Variants in VIPR2 observed in about 807,000 individuals in gnomAD.
VIPR2 encodes the protein vasoactive intestinal polypeptide receptor 2.
In VIPR2, 48 loss-of-function variants were observed where a neutral mutation model predicts 58.0. The observed-to-expected ratio is 0.83, with a 90% CI of 0.66 to 1.05. VIPR2 has a LOEUF of 1.05. Ranked by LOEUF, VIPR2 falls within the 50% of genes least tolerant of loss-of-function variation. The pLI is 0.00. For missense variants in VIPR2, 534 were observed against 558.0 expected, an observed-to-expected ratio of 0.96 and a Z score of 0.43; for synonymous variants, 243 against 235.2, an observed-to-expected ratio of 1.03 and a Z score of -0.30.
chr7:159,068,294 C>A (rs979727288), intron 4 of VIPR2, among the ~76,000 whole-genome samples: 1 of 152,342 alleles, frequency 6.6e-6, no homozygotes, highest in Middle Eastern at 3.4e-3. Context: ...CAGCCCCTCT[C>A]TTTTCACATG....
At position 159,030,502 on chromosome 7, in the gene VIPR2, C is replaced by T; in HGVS notation, c.*114G>A. The T allele has an allele frequency of 1.5e-6, 2 of 1,353,940 alleles. No homozygotes were observed. Among genetic ancestry groups the T allele is most frequent in the Admixed American group, 5.8e-5 (2 of 34,452 alleles). 83.9% of individuals were successfully genotyped at this position (1,353,940 alleles called of 1,614,324 possible). A position where few individuals can be genotyped will look rare whatever the true frequency, so the allele number is the denominator to read the frequency against. ...AACCAGCTTGACGGAGTCAGGACCG[C>T]GCTGACCTGCCCGACACGGTGCTCG... On this transcript the variant is annotated 3_prime_UTR_variant, in exon 13 of 13. Transcript: ENST00000262178.
chr7:159,073,699 G>A (rs1381311516), intron 4 of VIPR2, among the ~76,000 whole-genome samples: 2 of 152,046 alleles, frequency 1.3e-5, no homozygotes, highest in Non-Finnish European at 2.9e-5. Context: ...GTGAGCCACC[G>A]TGCTCAGCCT....
intron 2 of VIPR2, among the ~76,000 whole-genome samples, chr7:159,114,972 T>C (rs1563341175): frequency 6.6e-6 from 1 of 152,182 alleles, no homozygotes; most frequent in Non-Finnish European, 1.5e-5. Flanking sequence ...TGTCATAAGT[T>C]GCAGCTAAAA....
At chr7:159,090,749 A>AC (rs1327244901) in intron 4 of VIPR2, among the ~76,000 whole-genome samples, 1 of 111,140 alleles carries the variant, frequency 9.0e-6, no homozygotes, top group Non-Finnish European at 1.8e-5. Flanking sequence ...ACATGCTGGG[A>AC]CCACGCACAG....
intron 4 of VIPR2, among the ~76,000 whole-genome samples, chr7:159,082,743 T>C (rs543852664): frequency 6.6e-6 from 1 of 152,138 alleles, no homozygotes; most frequent in Non-Finnish European, 1.5e-5. Flanking sequence ...GACAGACAGA[T>C]AGACCTGCAG....
intron 10 of VIPR2, among the ~76,000 whole-genome samples, chr7:159,033,213 G>A (rs529585094): frequency 1.8e-4 from 28 of 152,320 alleles, no homozygotes; most frequent in East Asian, 1.7e-3. Flanking sequence ...GGCACTGGCC[G>A]GTATCTGCAC....
chr7:159,071,125 G>A (rs1193887513), intron 4 of VIPR2, among the ~76,000 whole-genome samples: 1 of 152,244 alleles, frequency 6.6e-6, no homozygotes, highest in East Asian at 1.9e-4. Context: ...TTTCTGGGTT[G>A]CACAGACATT....
intron 4 of VIPR2, among the ~76,000 whole-genome samples, chr7:159,085,999 G>A (rs868157902): frequency 1.5e-4 from 23 of 152,238 alleles, no homozygotes; most frequent in South Asian, 1.2e-3. Context: ...GTAAACCAGG[G>A]ACTTCAGTTA....
chr7:159,050,224 C>A (rs944932971), intron 5 of VIPR2, among the ~76,000 whole-genome samples: 1 of 151,846 alleles, frequency 6.6e-6, no homozygotes, highest in Non-Finnish European at 1.5e-5. Flanking sequence ...GTAATCCCAG[C>A]TACTTGAGAG....
chr7:159,059,648 A>T (rs1325488031), intron 4 of VIPR2, among the ~76,000 whole-genome samples: 1 of 152,136 alleles, frequency 6.6e-6, no homozygotes, highest in Non-Finnish European at 1.5e-5. Flanking sequence ...AGCACAGAGT[A>T]GTCCTGGCCA....
chr7:159,098,787 TA>T lies in VIPR2; in HGVS notation c.357+4969del. ...AATTAATTTCGAAAACAATAAACAA[TA>T]ATGATTGCACACACAACACCCAGGG... On this transcript the variant is annotated intron_variant, in intron 4 of 12. Coordinates refer to ENST00000262178, the MANE Select transcript of VIPR2 (RefSeq NM_003382.5). The surrounding 1 kb of genome is among the most constrained non-coding windows in gnomAD (Gnocchi z 5.2). 6.6e-6 allele frequency among the ~76,000 whole-genome samples: 1 copy of T among 152,228 alleles called. No individual in the cohort carries two copies. Among genetic ancestry groups the T allele is most frequent in the Non-Finnish European group, 1.5e-5 (1 of 68,044 alleles).
intron 4 of VIPR2, among the ~76,000 whole-genome samples, chr7:159,101,212 C>T (rs1368881058): frequency 3.1e-4 from 44 of 139,992 alleles, no homozygotes; most frequent in South Asian, 6.9e-4. Flanking sequence ...CGAGATCCGA[C>T]GAGGCCGTTC....
At chr7:159,137,527 T>C (rs35344349) in intron 2 of VIPR2, among the ~76,000 whole-genome samples, 46,765 of 151,942 alleles carry the variant, frequency 0.31, 8,752 homozygotes, top group African/African-American at 0.53. Flanking sequence ...TAGGTGTGTG[T>C]CACCACACCA....
chr7:159,083,361 G>A (rs776903632), intron 4 of VIPR2, among the ~76,000 whole-genome samples: 1 of 152,186 alleles, frequency 6.6e-6, no homozygotes, highest in African/African-American at 2.4e-5. Context: ...AATCTCAATG[G>A]GCGCCCAGCC....
intron 4 of VIPR2, among the ~76,000 whole-genome samples, chr7:159,082,268 T>C (rs1226421807): frequency 6.6e-6 from 1 of 152,174 alleles, no homozygotes; most frequent in Non-Finnish European, 1.5e-5. Context: ...ACATACACCA[T>C]GGAATACTAT....
At chr7:159,107,359 G>T (rs2129496155) in intron 3 of VIPR2, among the ~76,000 whole-genome samples, 1 of 152,336 alleles carries the variant, frequency 6.6e-6, no homozygotes, top group African/African-American at 2.4e-5. Flanking sequence ...TGAGCATGGG[G>T]CATGAACAGC....
chr7:159,031,602 C>T lies in VIPR2; in HGVS notation c.1143+226G>A. 1 of 985,382 alleles carries T rather than the reference C, an allele frequency of 1.0e-6. No individual in the cohort carries two copies. The highest frequency in any genetic ancestry group is 1.2e-6 in the Non-Finnish European group (1 of 829,926). 61.0% of individuals were successfully genotyped at this position (985,382 alleles called of 1,614,324 possible). On this transcript the variant is annotated intron_variant, in intron 12 of 12. Transcript: ENST00000262178. This position sits in a 1 kb window ranked among gnomAD's most constrained non-coding sequence, Gnocchi z 4.0. ...CCGAGACGGACGGCAGTCGATGCTA[C>T]TTAGGGTGGACGGAAGGACGGCGGG...
chr7:159,112,178 T>A (rs535969503), intron 2 of VIPR2, among the ~76,000 whole-genome samples: 153 of 152,384 alleles, frequency 1.0e-3, no homozygotes, highest in Non-Finnish European at 1.5e-3. Context: ...TAGGATTTGA[T>A]TTAAACATCT....
chr7:159,136,453 T>C (rs1797231022), intron 2 of VIPR2, among the ~76,000 whole-genome samples: 1 of 151,982 alleles, frequency 6.6e-6, no homozygotes, highest in Non-Finnish European at 1.5e-5. Context: ...ATCAAAAACA[T>C]GTGAGAGTCG....
Sources: gnomAD v4.1 joint callset for allele counts (sites outside exome capture counted in the v4.1 genomes callset) on GRCh38, gnomAD v4.1.1 for gene constraint, Gnocchi (gnomAD v3.1) non-coding constraint, MANE v1.5 for transcripts, NCBI Gene and HGNC (gene_info 2026-07-23, HGNC 2026-07-21) for gene names.